The following PPP3CA variants were observed in gnomAD, a reference collection of about 807,000 sequenced individuals.
PPP3CA encodes the protein protein phosphatase 3 catalytic subunit alpha.
A neutral mutation model predicts 66.5 loss-of-function variants in PPP3CA; 14 were observed. The ratio of observed to expected loss-of-function variants is 0.21; its 90% confidence interval spans 0.14 to 0.33. The LOEUF is 0.33. Among genes scored for constraint, PPP3CA ranks in the 10% least tolerant of loss-of-function variants. The probability of loss-of-function intolerance (pLI) is 1.00; values close to 1 mark genes in which losing one functional copy is unlikely to be tolerated. For missense variants in PPP3CA, 317 were observed against 639.5 expected, an observed-to-expected ratio of 0.50 and a Z score of 5.44; for synonymous variants, 232 against 226.2, an observed-to-expected ratio of 1.03 and a Z score of -0.23.
At chr4:101,230,271 A>G (rs1725918005) in intron 1 of PPP3CA, among the ~76,000 whole-genome samples, 1 of 151,590 alleles carries the variant, frequency 6.6e-6, no homozygotes, top group Non-Finnish European at 1.5e-5. Flanking sequence ...CCCACCTGCA[A>G]TTCCTAATTT....
chr4:101,186,528 C>T (rs142016572), intron 2 of PPP3CA, among the ~76,000 whole-genome samples: 33 of 152,240 alleles, frequency 2.2e-4, no homozygotes, highest in East Asian at 1.4e-3. Flanking sequence ...ATATATTTGG[C>T]TATTTACTTC....
intron 1 of PPP3CA, among the ~76,000 whole-genome samples, chr4:101,259,838 A>G (rs960237236): frequency 1.3e-5 from 2 of 152,162 alleles, no homozygotes; most frequent in Non-Finnish European, 2.9e-5. Flanking sequence ...ACACTGGTAT[A>G]TTGTGAATAT....
chr4:101,120,815 G>T lies in PPP3CA; in HGVS notation c.260-11737C>A, dbSNP rs143698124. On this transcript the variant is annotated intron_variant, in intron 2 of 13. Coordinates refer to ENST00000394854, the MANE Select transcript of PPP3CA (RefSeq NM_000944.5). ...TTGTTTACCTCTATAAAACAAATAG[G>T]TGTCACAGTATCTTAAACTGACTTA... 9.4e-4 allele frequency among the ~76,000 whole-genome samples: 143 copies of T among 152,092 alleles called. 1 individual carries two copies. Among genetic ancestry groups the T allele is most frequent in the African/African-American group, 3.1e-3 (130 of 41,520 alleles).
intron 1 of PPP3CA, among the ~76,000 whole-genome samples, chr4:101,280,872 G>A (rs1727660779): frequency 6.6e-6 from 1 of 150,452 alleles, no homozygotes; most frequent in Non-Finnish European, 1.5e-5. Flanking sequence ...AAAGAAGAAT[G>A]CTTGAGCTCA....
chr4:101,147,398 C>T (rs905150811), intron 2 of PPP3CA, among the ~76,000 whole-genome samples: 2 of 152,086 alleles, frequency 1.3e-5, no homozygotes, highest in Non-Finnish European at 2.9e-5. Flanking sequence ...TGAGAGTTTG[C>T]TGGCTTGCTG....
chr4:101,340,892 A>T (rs1729792043), intron 1 of PPP3CA, among the ~76,000 whole-genome samples: 1 of 152,206 alleles, frequency 6.6e-6, no homozygotes, highest in Non-Finnish European at 1.5e-5. Context: ...AACAGGCTTA[A>T]GACAACATCC....
chr4:101,282,304 T>A (rs75562815), intron 1 of PPP3CA, among the ~76,000 whole-genome samples: 6 of 152,194 alleles, frequency 3.9e-5, no homozygotes, highest in African/African-American at 1.4e-4. Context: ...CTATCCTATC[T>A]GTGAAAACCA....
intron 6 of PPP3CA, among the ~76,000 whole-genome samples, chr4:101,090,752 G>A (rs1578436704): frequency 6.6e-6 from 1 of 150,544 alleles, no homozygotes; most frequent in Non-Finnish European, 1.5e-5. Context: ...TATTAAAGAT[G>A]GTAGACTTTA....
At chr4:101,138,827 A>G (rs1253957081) in intron 2 of PPP3CA, among the ~76,000 whole-genome samples, 1 of 152,202 alleles carries the variant, frequency 6.6e-6, no homozygotes, top group Non-Finnish European at 1.5e-5. Context: ...TAAACTTATG[A>G]CTATGATACT....
At chr4:101,213,485 G>A (rs1038739471) in intron 1 of PPP3CA, among the ~76,000 whole-genome samples, 2 of 151,908 alleles carry the variant, frequency 1.3e-5, no homozygotes, top group East Asian at 1.9e-4. Context: ...CTGATCTAGC[G>A]GTCTTAATTT....
Position 101,156,566 on chromosome 4 carries a change from G to A in PPP3CA, c.259+39350C>T, listed in dbSNP as rs374377378. ...GTGGTGACACATGCTTGTAATCCCA[G>A]CTACTCGGGAGACTGAGGCAGGAGA... On this transcript the variant is annotated intron_variant, in intron 2 of 13. Transcript: ENST00000394854. 2.0e-4 allele frequency among the ~76,000 whole-genome samples: 31 copies of A among 152,120 alleles called. 1 individual carries two copies. Among genetic ancestry groups the A allele is most frequent in the Admixed American group, 9.8e-4 (15 of 15,270 alleles).
intron 2 of PPP3CA, among the ~76,000 whole-genome samples, chr4:101,162,718 T>A (rs2110308218): frequency 6.6e-6 from 1 of 152,248 alleles, no homozygotes; most frequent in East Asian, 1.9e-4. Context: ...GCATGCACGC[T>A]AATTACATAC....
rs540136780 is a variant in PPP3CA at position 101,270,534 on chromosome 4, G to A, written c.59-74418C>T. On this transcript the variant is annotated intron_variant, in intron 1 of 13. Coordinates refer to ENST00000394854, the MANE Select transcript of PPP3CA (RefSeq NM_000944.5). ...ACAAACAATTTCCTACCAGTTATTT[G>A]AGATGCACTATGTTGCAAGAAATTA... is the stretch of plus-strand genomic sequence containing the variant. Among the ~76,000 whole-genome samples, 23 of 152,272 alleles carry A rather than the reference G, an allele frequency of 1.5e-4. No individual in the cohort carries two copies. In the South Asian group the frequency reaches 4.8e-3, roughly 32 times the overall value.
intron 2 of PPP3CA, among the ~76,000 whole-genome samples, chr4:101,132,788 C>T (rs1722489503): frequency 6.6e-6 from 1 of 152,160 alleles, no homozygotes; most frequent in African/African-American, 2.4e-5. Flanking sequence ...CTGGAAGAGA[C>T]ACAACCAAAA....
At chr4:101,205,323 T>A (rs1370863616) in intron 1 of PPP3CA, among the ~76,000 whole-genome samples, 3 of 152,060 alleles carry the variant, frequency 2.0e-5, no homozygotes, top group Non-Finnish European at 1.5e-5. Context: ...TTTTTAAAAA[T>A]TTATTTATTT....
intron 6 of PPP3CA, among the ~76,000 whole-genome samples, chr4:101,088,876 T>C (rs542491019): frequency 6.6e-6 from 1 of 152,124 alleles, no homozygotes; most frequent in Non-Finnish European, 1.5e-5. Flanking sequence ...AAAGATGTGA[T>C]GACTGGTGGT....
intron 8 of PPP3CA, among the ~76,000 whole-genome samples, chr4:101,067,748 T>C (rs997671413): frequency 3.3e-5 from 5 of 151,084 alleles, no homozygotes; most frequent in Non-Finnish European, 7.4e-5. Flanking sequence ...CACAGCAACA[T>C]GGCACATGTA....
At chr4:101,029,877 T>C (rs1726861432) in intron 12 of PPP3CA, among the ~76,000 whole-genome samples, 1 of 151,392 alleles carries the variant, frequency 6.6e-6, no homozygotes, top group Admixed American at 6.6e-5. Flanking sequence ...TAATCTGGAC[T>C]TCGTTTTCCA....
chr4:101,176,233 A>G (rs1414745412), intron 2 of PPP3CA, among the ~76,000 whole-genome samples: 2 of 152,184 alleles, frequency 1.3e-5, no homozygotes, highest in East Asian at 3.8e-4. Context: ...TTTTGTGAGT[A>G]GAAAAACTCA....
Sources: gnomAD v4.1 joint callset for allele counts (sites outside exome capture counted in the v4.1 genomes callset) on GRCh38, gnomAD v4.1.1 for gene constraint, MANE v1.5 for transcripts, NCBI Gene and HGNC (gene_info 2026-07-23, HGNC 2026-07-21) for gene names.